Variants in AMPH observed in about 807,000 individuals in gnomAD.
AMPH encodes amphiphysin.
A neutral mutation model predicts 99.1 loss-of-function variants in AMPH; 49 were observed. That is an observed-to-expected ratio of 0.49 (90% CI 0.39 to 0.63). The LOEUF (loss-of-function observed/expected upper bound fraction) is 0.63, where lower values mean the gene tolerates loss of function less well. Ranked by LOEUF, AMPH falls within the 20% of genes least tolerant of loss-of-function variation. AMPH has a pLI of 0.00. For synonymous variants in AMPH, 314 were observed against 317.3 expected, an observed-to-expected ratio of 0.99 and a Z score of 0.11; for missense variants, 759 against 863.4, an observed-to-expected ratio of 0.88 and a Z score of 1.52.
intron 2 of AMPH, among the ~76,000 whole-genome samples, chr7:38,523,578 T>C (rs1428712217): frequency 6.6e-6 from 1 of 152,192 alleles, no homozygotes; most frequent in Non-Finnish European, 1.5e-5. Flanking sequence ...AGTAATGTAT[T>C]ATAACCCAGT....
intron 9 of AMPH, among the ~76,000 whole-genome samples, chr7:38,464,573 T>C (rs780015358): frequency 3.9e-5 from 6 of 152,186 alleles, no homozygotes; most frequent in Non-Finnish European, 5.9e-5. Context: ...CATAAATGTA[T>C]GCAAATAAGT....
intron 2 of AMPH, among the ~76,000 whole-genome samples, chr7:38,530,707 C>A (rs918197054): frequency 6.6e-6 from 1 of 152,130 alleles, no homozygotes; most frequent in African/African-American, 2.4e-5. Context: ...ACAGTGGGAC[C>A]TTTTTTTCTG....
At chr7:38,392,996 G>T (rs1257498092) in intron 18 of AMPH, among the ~76,000 whole-genome samples, 1 of 152,170 alleles carries the variant, frequency 6.6e-6, no homozygotes, top group Non-Finnish European at 1.5e-5. Flanking sequence ...AGCATGGAGG[G>T]GAGTTTCATC....
At chr7:38,446,472 A>ATGAAGTAC (rs147338397) in intron 11 of AMPH, among the ~76,000 whole-genome samples, 8,615 of 151,790 alleles carry the variant, frequency 0.057, 628 homozygotes, top group East Asian at 0.35. Flanking sequence ...ATAAGGAGGA[A>ATGAAGTAC]TGATATGTGC....
chr7:38,531,138 A>C (rs1790383057), intron 2 of AMPH: 2 of 152,102 alleles, frequency 1.3e-5, no homozygotes, highest in Admixed American at 6.5e-5. Context: ...GACCTGCTCC[A>C]TTTTCAACCT....
intron 1 of AMPH, among the ~76,000 whole-genome samples, chr7:38,566,000 AAC>A (rs1466492377): frequency 1.3e-5 from 2 of 152,238 alleles, no homozygotes; most frequent in African/African-American, 4.8e-5. Context: ...TGAAAATATT[AAC>A]AGGGACCACC....
intron 4 of AMPH, among the ~76,000 whole-genome samples, chr7:38,492,263 G>T (rs931269445): frequency 6.6e-6 from 1 of 152,176 alleles, no homozygotes; most frequent in African/African-American, 2.4e-5. Flanking sequence ...TGAAAAAGAG[G>T]GAAGGAGTGG....
chr7:38,463,327 T>G (rs769773948), intron 9 of AMPH: 81 of 681,982 alleles, frequency 1.2e-4, no homozygotes, highest in Non-Finnish European at 2.1e-4. Flanking sequence ...GTATTATCTT[T>G]TGTCTTCACA....
At chr7:38,522,338 C>A (rs1199587574) in intron 2 of AMPH, among the ~76,000 whole-genome samples, 1 of 152,126 alleles carries the variant, frequency 6.6e-6, no homozygotes, top group Non-Finnish European at 1.5e-5. Context: ...ATTGTTATAG[C>A]CCATGGGTCA....
At chr7:38,533,669 T>C (rs902346133) in intron 2 of AMPH, among the ~76,000 whole-genome samples, 2 of 152,204 alleles carry the variant, frequency 1.3e-5, no homozygotes, top group African/African-American at 2.4e-5. Flanking sequence ...TGGTGTCATC[T>C]CTGAGGCTAT....
chr7:38,529,158 G>A (rs1004542042), intron 2 of AMPH, among the ~76,000 whole-genome samples: 2 of 152,154 alleles, frequency 1.3e-5, no homozygotes, highest in Admixed American at 6.5e-5. Flanking sequence ...CAAAAATCAT[G>A]CCTGTTAAAT....
intron 4 of AMPH, 51 bp from the exon 5 acceptor site, chr7:38,491,196 C>T: frequency 8.0e-7 from 1 of 1,249,926 alleles, no homozygotes; most frequent in Non-Finnish European, 1.1e-6. Flanking sequence ...GGATACCTTT[C>T]ACCAAACTTC....
chr7:38,436,291 G>C lies in AMPH; in HGVS notation c.1115C>G (p.Thr372Ser). 6.2e-7 allele frequency: 1 copy of C among 1,614,056 alleles called. No individual in the cohort carries two copies. The highest frequency in any genetic ancestry group is 8.5e-7 in the Non-Finnish European group (1 of 1,179,914). The change falls in exon 12 of 21, where the codon ACC becomes AGC. Residue 372 changes from threonine to serine, a missense_variant. By Grantham distance (58) the Thr-to-Ser change is moderately conservative. Transcript: ENST00000356264. ...TGATACCTGAGACATGGGTGAGTGG[G>C]TCACTCCAGCAGAACCTGCAGGTGT... The part of the protein sequence containing the change: ...EVTPAGSAGV[T>S]HSPMSQTLPW...
At chr7:38,484,624 A>G (rs1264949604) in intron 5 of AMPH, among the ~76,000 whole-genome samples, 2 of 152,098 alleles carry the variant, frequency 1.3e-5, no homozygotes, top group Non-Finnish European at 2.9e-5. Flanking sequence ...ATTAAAGGAC[A>G]CTAAACAGCA....
intron 3 of AMPH, among the ~76,000 whole-genome samples, chr7:38,499,621 T>C (rs892867790): frequency 1.3e-5 from 2 of 152,312 alleles, no homozygotes; most frequent in Non-Finnish European, 2.9e-5. Flanking sequence ...ACCTGTGTTA[T>C]AGCAGGATTA....
At chr7:38,506,276 C>T (rs949507051) in intron 2 of AMPH, among the ~76,000 whole-genome samples, 2 of 152,152 alleles carry the variant, frequency 1.3e-5, no homozygotes, top group African/African-American at 2.4e-5. Context: ...TGGAGAGAGG[C>T]TGAAATCTAA....
chr7:38,453,861 C>A (rs1787129116), intron 11 of AMPH, among the ~76,000 whole-genome samples: 1 of 152,172 alleles, frequency 6.6e-6, no homozygotes, highest in African/African-American at 2.4e-5. Context: ...TTAAAACACT[C>A]CCAGTTCGAA....
intron 17 of AMPH, among the ~76,000 whole-genome samples, chr7:38,414,569 A>T (rs1458302979): frequency 6.6e-6 from 1 of 152,212 alleles, no homozygotes; most frequent in Non-Finnish European, 1.5e-5. Context: ...AATTAATTGT[A>T]ACCAAATAAT....
At chr7:38,450,154 C>G (rs758615263) in intron 11 of AMPH, among the ~76,000 whole-genome samples, 9 of 152,168 alleles carry the variant, frequency 5.9e-5, no homozygotes, top group Non-Finnish European at 1.0e-4. Flanking sequence ...GCGTGATAAG[C>G]AGGGCTTGGA....
Sources: allele counts gnomAD v4.1 joint callset (sites outside exome capture counted in the v4.1 genomes callset), GRCh38; gene constraint gnomAD v4.1.1; transcripts MANE v1.5; gene names NCBI Gene and HGNC (gene_info 2026-07-23, HGNC 2026-07-21).